The following CLUL1 variants were observed in gnomAD, a reference collection of about 807,000 sequenced individuals.
CLUL1 encodes clusterin-like protein 1.
In CLUL1, 43 loss-of-function variants were observed where a neutral mutation model predicts 49.4. The observed-to-expected ratio is 0.87, with a 90% CI of 0.68 to 1.12. The LOEUF (loss-of-function observed/expected upper bound fraction) is 1.12. CLUL1 is among the 50% of genes most tolerant of loss of function. CLUL1 has a pLI of 0.00. For missense variants in CLUL1, 486 were observed against 544.4 expected, an observed-to-expected ratio of 0.89 and a Z score of 1.07; for synonymous variants, 192 against 184.9, an observed-to-expected ratio of 1.04 and a Z score of -0.31.
chr18:609,336 AGC>A (rs1322019049), intron 2 of CLUL1, among the ~76,000 whole-genome samples: 1 of 152,178 alleles, frequency 6.6e-6, no homozygotes, highest in Middle Eastern at 3.2e-3. Flanking sequence ...TTCACACAAG[AGC>A]ACTTAGTAAA....
intron 2 of CLUL1, among the ~76,000 whole-genome samples, chr18:613,457 A>AT (rs1468793096): frequency 1.6e-5 from 2 of 127,424 alleles, no homozygotes; most frequent in Non-Finnish European, 3.4e-5. Flanking sequence ...GTTTAGTCTG[A>AT]ATTTTTTTTT....
intron 6 of CLUL1, among the ~76,000 whole-genome samples, chr18:630,843 C>T (rs1242363281): frequency 4.0e-5 from 6 of 151,046 alleles, no homozygotes; most frequent in South Asian, 4.3e-4. Context: ...CGTGCCACCA[C>T]GCCCAGCTAA....
chr18:640,412 AAAAAAAGAAAAG>A (rs1190381477), intron 7 of CLUL1, among the ~76,000 whole-genome samples: 2 of 151,994 alleles, frequency 1.3e-5, no homozygotes, highest in African/African-American at 4.8e-5. Context: ...CCTGTCTTGA[AAAAAAAGAAAAG>A]AAAAAAGAAA....
intron 1 of CLUL1, among the ~76,000 whole-genome samples, chr18:602,505 G>A (rs535361417): frequency 6.6e-6 from 1 of 152,130 alleles, no homozygotes; most frequent in Admixed American, 6.6e-5. Context: ...CTCTCACTGG[G>A]TTCCTGTATC....
intron 1 of CLUL1, among the ~76,000 whole-genome samples, chr18:600,425 A>C (rs778564503): frequency 3.9e-5 from 6 of 152,146 alleles, no homozygotes; most frequent in Non-Finnish European, 5.9e-5. Flanking sequence ...GTTCTCAACC[A>C]TTTTCTCGCT....
chr18:636,024 C>T (rs964095506), intron 7 of CLUL1, among the ~76,000 whole-genome samples: 5 of 152,098 alleles, frequency 3.3e-5, no homozygotes, highest in South Asian at 2.1e-4. Flanking sequence ...TGTGAGCCAT[C>T]GCGCCTGGCC....
chr18:645,885 G>C (rs1202875192), intron 9 of CLUL1, among the ~76,000 whole-genome samples: 14 of 126,770 alleles, frequency 1.1e-4, no homozygotes, highest in African/African-American at 3.2e-4. Context: ...AAAAACAAGA[G>C]AATGATTAAG....
At chr18:631,993 C>T (rs1050202492) in intron 6 of CLUL1, among the ~76,000 whole-genome samples, 7 of 152,166 alleles carry the variant, frequency 4.6e-5, no homozygotes, top group African/African-American at 7.2e-5. Flanking sequence ...GCCATTCTAT[C>T]GAACAGTGCT....
At position 618,209 on chromosome 18, in the gene CLUL1, T is replaced by G. The variant is rs1291840462; in HGVS notation, c.106+103T>G. On this transcript the variant is annotated intron_variant, in intron 3 of 9. Transcript: ENST00000692774. The surrounding 1 kb of genome is among the most constrained non-coding windows in gnomAD (Gnocchi z 4.2). ...TGAGAGATAACCATATTCGCTGTTT[T>G]CACGGTGAAACGTTCTCAAGGCGCT... 2 of 854,584 alleles carry G rather than the reference T, an allele frequency of 2.3e-6. No individual in the cohort carries two copies. The highest frequency in any genetic ancestry group is 3.3e-5 in the African/African-American group (2 of 60,034). 52.9% of individuals were successfully genotyped at this position (854,584 alleles called of 1,614,324 possible). A position where few individuals can be genotyped will look rare whatever the true frequency, so the allele number is the denominator to read the frequency against.
chr18:598,633 G>A (rs1168971228), intron 1 of CLUL1: 1 of 398,468 alleles, frequency 2.5e-6, no homozygotes, highest in Non-Finnish European at 4.4e-6. Context: ...CCAAAAAAGT[G>A]GCTGTGGCAC....
chr18:603,564 C>T (rs949607285), intron 1 of CLUL1, among the ~76,000 whole-genome samples: 4 of 152,102 alleles, frequency 2.6e-5, no homozygotes, highest in African/African-American at 9.7e-5. Flanking sequence ...TCATTAACAT[C>T]TTATGCAACT....
chr18:639,054 A>G (rs985388007), intron 7 of CLUL1, among the ~76,000 whole-genome samples: 1 of 152,226 alleles, frequency 6.6e-6, no homozygotes, highest in African/African-American at 2.4e-5. Context: ...TATAATATAT[A>G]CAAATGCCGA....
rs2072979019 is a variant in CLUL1 at position 606,594 on chromosome 18, A to G, written c.-135-384A>G. On this transcript the variant is annotated intron_variant, in intron 1 of 9. Coordinates refer to ENST00000692774, the MANE Select transcript of CLUL1 (RefSeq NM_001393344.1). The surrounding 1 kb of genome is among the most constrained non-coding windows in gnomAD (Gnocchi z 4.1). ...AAGCCAAAACATCAGTCAGCTTCCC[A>G]GTAATCAAGCCTGGCTTTCTCACCC... 6.6e-6 allele frequency among the ~76,000 whole-genome samples: 1 copy of G among 152,192 alleles called. No individual in the cohort carries two copies. The highest frequency in any genetic ancestry group is 2.4e-5 in the African/African-American group (1 of 41,430).
intron 2 of CLUL1, among the ~76,000 whole-genome samples, chr18:617,535 C>T (rs1016766550): frequency 3.9e-5 from 5 of 128,210 alleles, no homozygotes; most frequent in Admixed American, 1.0e-4. Context: ...GTGGAGGTTG[C>T]GGTGGGCCGA....
At position 608,048 on chromosome 18, in the gene CLUL1, G is replaced by T. The variant is rs547626999; in HGVS notation, c.-14+949G>T. Among the ~76,000 whole-genome samples the T allele has an allele frequency of 3.3e-5, 5 of 152,302 alleles. No individual in the cohort carries two copies. The South Asian group carries it at 6.2e-4, about 19-fold the overall frequency. ...GAACTGCCGTCCCGCCACCTAAAAAGCATTAGTGACCATCAGGGAACCGTC... is the reference window on the plus strand; with the variant it reads ...GAACTGCCGTCCCGCCACCTAAAAATCATTAGTGACCATCAGGGAACCGTC... On this transcript the variant is annotated intron_variant, in intron 2 of 9. Transcript: ENST00000692774.
chr18:618,861 C>T lies in CLUL1; in HGVS notation c.107-352C>T, dbSNP rs907736176. On this transcript the variant is annotated intron_variant, in intron 3 of 9. Transcript: ENST00000692774. The surrounding 1 kb of genome is among the most constrained non-coding windows in gnomAD (Gnocchi z 4.2). ...TGTGTTTGAGGTCCCCAGCTGGGCA[C>T]TTAATATAAATTATGAAGAAAATGC... is the stretch of plus-strand genomic sequence containing the variant. 2.6e-5 allele frequency among the ~76,000 whole-genome samples: 4 copies of T among 151,752 alleles called. No individual in the cohort carries two copies. The highest frequency in any genetic ancestry group is 9.7e-5 in the African/African-American group (4 of 41,250).
chr18:634,761 G>A (rs1218579046), intron 7 of CLUL1, among the ~76,000 whole-genome samples: 1 of 152,006 alleles, frequency 6.6e-6, no homozygotes, highest in Admixed American at 6.6e-5. Flanking sequence ...CAAGCCCCAG[G>A]AATCCTTTTC....
Position 606,534 on chromosome 18 carries a change from A to AC in CLUL1, c.-135-440dup, listed in dbSNP as rs2072977826. ...TGAGACTCTGGCTGTCCCCCAACCC[A>AC]CCCCATCTTCCTTGTCCTCACCCCT... is the stretch of plus-strand genomic sequence containing the variant. On this transcript the variant is annotated intron_variant, in intron 1 of 9. Transcript: ENST00000692774. The surrounding 1 kb of genome is among the most constrained non-coding windows in gnomAD (Gnocchi z 4.1). Among the ~76,000 whole-genome samples, 2 of 151,404 alleles carry AC rather than the reference A, an allele frequency of 1.3e-5. No individual in the cohort carries two copies. Among genetic ancestry groups the AC allele is most frequent in the Admixed American group, 1.3e-4 (2 of 15,166 alleles).
At chr18:617,595 CAAAAAA>C (rs11422881) in intron 2 of CLUL1, among the ~76,000 whole-genome samples, 23 of 82,046 alleles carry the variant, frequency 2.8e-4, no homozygotes, top group African/African-American at 1.0e-3. Flanking sequence ...AACTCCGTCT[CAAAAAA>C]AAAAAAAAAA....
Sources: allele counts gnomAD v4.1 joint callset (sites outside exome capture counted in the v4.1 genomes callset), GRCh38; gene constraint gnomAD v4.1.1; non-coding constraint Gnocchi (gnomAD v3.1); transcripts MANE v1.5; gene names NCBI Gene and HGNC (gene_info 2026-07-23, HGNC 2026-07-21).